VWA5B2: variants seen among roughly 807,000 people sequenced by gnomAD.
VWA5B2 encodes the protein von Willebrand factor A domain-containing protein 5B2.
VWA5B2 carries 93 observed loss-of-function variants against 118.5 expected under a neutral mutation model. The observed-to-expected ratio is 0.79, with a 90% CI of 0.66 to 0.93. VWA5B2 has a LOEUF of 0.93. Among genes scored for constraint, VWA5B2 ranks in the 40% least tolerant of loss-of-function variants. The probability of loss-of-function intolerance (pLI) is 0.00; values close to 1 mark genes in which losing one functional copy is unlikely to be tolerated. For synonymous variants in VWA5B2, 708 were observed against 716.3 expected (o/e 0.99, Z 0.19); for missense variants, 1,546 against 1,672.8 (o/e 0.92, Z 1.32).
rs1169030461 is a variant in VWA5B2, at chr3:184,240,801, G to A, written c.2751G>A (p.Arg917=). 1 of 1,551,090 alleles carries A rather than the reference G, an allele frequency of 6.4e-7. No individual in the cohort carries two copies. Among genetic ancestry groups the A allele is most frequent in the Non-Finnish European group, 8.7e-7 (1 of 1,146,976 alleles). Residue 917 remains arginine, a synonymous_variant, in exon 17 of 20, where the codon CGG becomes CGA. Transcript: ENST00000691901. The stretch of plus-strand genomic sequence containing the variant: ...TCCTTGGTTCCACAGGCCATGCCCG[G>A]AGGTGCTGGCTTCGAGCCCTTCAGA... ...AETTADRGHA[R]RCWLRALQTS... is the part of the protein sequence containing the mutation.
In VWA5B2 at chr3:184,229,828, G is replaced by T. The variant is rs1016264613; in HGVS notation, c.-150+115G>T. ...CCTCCTCCCACATCAGCTCTGCCGG[G>T]GTAGGGAGCGGTAACCTGGCGGCTC... On this transcript the variant is annotated intron_variant, in intron 1 of 19. Coordinates refer to ENST00000691901, the MANE Select transcript of VWA5B2 (RefSeq NM_001390846.1). 6.6e-5 allele frequency among the ~76,000 whole-genome samples: 10 copies of T among 152,244 alleles called. No homozygotes were observed. The East Asian group carries it at 1.9e-3, about 30-fold the overall frequency.
rs1057108782 is a variant in VWA5B2, at chr3:184,241,959, G to A, written c.3650G>A (p.Arg1217Gln). ...LDLAALKAAARGLFLLLRHWD... is the reference protein window; with the variant it reads ...LDLAALKAAAQGLFLLLRHWD... The stretch of plus-strand genomic sequence containing the variant: ...CTGGCCGCCCTCAAGGCCGCAGCCC[G>A]AGGGCTCTTCCTGCTACTGCGCCAC... Residue 1217 changes from arginine (R) to glutamine (Q), a missense_variant, in exon 20 of 20, where the codon CGA becomes CAA. Transcript: ENST00000691901. This position sits in a 1 kb window ranked among gnomAD's most constrained non-coding sequence, Gnocchi z 5.1. 3 of 1,549,912 alleles carry A rather than the reference G, an allele frequency of 1.9e-6. No homozygotes were observed. The African/African-American group carries it at 4.1e-5, about 21-fold the overall frequency.
At position 184,233,494 on chromosome 3, in the gene VWA5B2, T is replaced by G. The variant is rs1357803323; in HGVS notation, c.531-82T>G. The G allele has an allele frequency of 6.6e-7, 1 of 1,510,932 alleles. No individual in the cohort carries two copies. 93.6% of individuals were successfully genotyped at this position (1,510,932 alleles called of 1,614,324 possible). A position where few individuals can be genotyped will look rare whatever the true frequency, so the allele number is the denominator to read the frequency against. On this transcript the variant is annotated intron_variant, in intron 4 of 19. Coordinates refer to ENST00000691901, the MANE Select transcript of VWA5B2 (RefSeq NM_001390846.1). This position sits in a 1 kb window ranked among gnomAD's most constrained non-coding sequence, Gnocchi z 5.2. ...GCAGGGTACCCAGGGATGGGAAGGGTGAGGAAGGGCTGGGGCCAGTCAGCC... is the reference window on the plus strand; with the variant it reads ...GCAGGGTACCCAGGGATGGGAAGGGGGAGGAAGGGCTGGGGCCAGTCAGCC...
chr3:184,234,162 A>G, intron 5 of VWA5B2, 104 bp from the exon 6 acceptor site: 1 of 1,405,034 alleles, frequency 7.1e-7, no homozygotes. Context: ...CATATAGATC[A>G]GACTCTGAGA....
In VWA5B2 at chr3:184,235,163, T is replaced by C. The variant is rs1442730836; in HGVS notation, c.956T>C (p.Leu319Pro). 5 of 1,551,586 alleles carry C rather than the reference T, an allele frequency of 3.2e-6. No homozygotes were observed. In the South Asian group the frequency reaches 3.6e-5, roughly 11 times the overall value. Residue 319 changes from leucine to proline, a missense_variant, in exon 8 of 20, where the codon CTG (leucine) becomes CCG (proline). This residue lies in a region of VWA5B2 where 775 missense variants were observed against 882.3 expected (regional missense o/e 0.88). Transcript: ENST00000691901. ...DSDGDRQVWF[L>P]QRRFHKDILL... ...GACTCCCCCGCTCAGGTGTGGTTCC[T>C]GCAGCGACGCTTCCACAAGGACATC...
chr3:184,237,206 C>G lies in VWA5B2; in HGVS notation c.1534-20C>G. ...ACACCTCTTTCCTTCCCATGTCTTC[C>G]CTGTGGCCACTCCCCACAGCTGGTA... On this transcript the variant is annotated intron_variant, in intron 11 of 19. Transcript: ENST00000691901. This position sits in a 1 kb window ranked among gnomAD's most constrained non-coding sequence, Gnocchi z 5.6. 1 of 1,547,894 alleles carries G rather than the reference C, an allele frequency of 6.5e-7. No individual in the cohort carries two copies. Among genetic ancestry groups the G allele is most frequent in the South Asian group, 1.2e-5 (1 of 83,930 alleles).
chr3:184,233,627 G>T lies in VWA5B2; in HGVS notation c.582G>T (p.Trp194Cys). ...VGSLQEEGLA[W>C]EELAAPRDVF... ...GCCTTCAGGAGGAAGGGCTGGCCTG[G>T]GAGGAGCTGGCTGCCCCTCGGGACG... The change falls in exon 5 of 20, where the codon TGG becomes TGT. Residue 194 changes from tryptophan (W) to cysteine (C), a missense_variant. Coordinates refer to ENST00000691901, the MANE Select transcript of VWA5B2 (RefSeq NM_001390846.1). The surrounding 1 kb of genome is among the most constrained non-coding windows in gnomAD (Gnocchi z 5.2). The T allele has an allele frequency of 6.4e-7, 1 of 1,551,234 alleles. No homozygotes were observed. The highest frequency in any genetic ancestry group is 8.7e-7 in the Non-Finnish European group (1 of 1,146,922).
In VWA5B2 at chr3:184,234,615, T is replaced by A; in HGVS notation, c.821-16T>A. 1 of 1,550,586 alleles carries A rather than the reference T, an allele frequency of 6.4e-7. No individual in the cohort carries two copies. The highest frequency in any genetic ancestry group is 2.4e-5 in the East Asian group (1 of 40,918). Reference sequence around the variant, plus strand: ...GGCAGGGCCTTCCTTGACAGAATTGTGTCCTCTCCTCTCAGAGCCCCATCA... The same window carrying A: ...GGCAGGGCCTTCCTTGACAGAATTGAGTCCTCTCCTCTCAGAGCCCCATCA... On this transcript the variant is annotated splice_polypyrimidine_tract_variant and intron_variant, in intron 6 of 19. Coordinates refer to ENST00000691901, the MANE Select transcript of VWA5B2 (RefSeq NM_001390846.1).
chr3:184,240,411 A>G, intron 16 of VWA5B2: 1 of 349,834 alleles, frequency 2.9e-6, no homozygotes, highest in Non-Finnish European at 5.2e-6. Flanking sequence ...CAGTTGCACT[A>G]ACCACAGCTG....
chr3:184,234,172 A>G (rs1717709429), intron 5 of VWA5B2, 94 bp from the exon 6 acceptor site: 1 of 1,442,872 alleles, frequency 6.9e-7, no homozygotes, highest in South Asian at 1.3e-5. Context: ...AGACTCTGAG[A>G]GCTGACTGAA....
rs768316278 is a variant in VWA5B2 at position 184,241,443 on chromosome 3, C to T, written c.3180+39C>T. 6 of 1,566,448 alleles carry T rather than the reference C, an allele frequency of 3.8e-6. No homozygotes were observed. The highest frequency in any genetic ancestry group is 4.7e-5 in the East Asian group (2 of 42,296). On this transcript the variant is annotated intron_variant, in intron 19 of 19. Transcript: ENST00000691901. This position sits in a 1 kb window ranked among gnomAD's most constrained non-coding sequence, Gnocchi z 5.1. ...AGGTGGAGGGTGGTGCCGCCGGGGC[C>T]GGGCGCTGTTTCAGCTCGCTTCTCC...
In VWA5B2 at chr3:184,238,165, C is replaced by A; in HGVS notation, c.1720-138C>A. 5.6e-6 allele frequency: 4 copies of A among 714,532 alleles called. No individual in the cohort carries two copies. The highest frequency in any genetic ancestry group is 3.4e-5 in the Admixed American group (1 of 29,110). 44.3% of individuals were successfully genotyped at this position (714,532 alleles called of 1,614,324 possible). A position where few individuals can be genotyped will look rare whatever the true frequency, so the allele number is the denominator to read the frequency against. ...TTAACCCTTACAGTGAACATGTCTGCTTCCTCCTTCTTTAGTACTGGTCTT... is the reference window on the plus strand; with the variant it reads ...TTAACCCTTACAGTGAACATGTCTGATTCCTCCTTCTTTAGTACTGGTCTT... On this transcript the variant is annotated intron_variant, in intron 12 of 19. Transcript: ENST00000691901. This position sits in a 1 kb window ranked among gnomAD's most constrained non-coding sequence, Gnocchi z 5.0.
In VWA5B2 at chr3:184,234,619, C is replaced by T. The variant is rs879077977; in HGVS notation, c.821-12C>T. The T allele has an allele frequency of 1.5e-5, 24 of 1,550,618 alleles. No individual in the cohort carries two copies. In the East Asian group the frequency reaches 4.6e-4, roughly 30 times the overall value. On this transcript the variant is annotated splice_polypyrimidine_tract_variant and intron_variant, in intron 6 of 19. Coordinates refer to ENST00000691901, the MANE Select transcript of VWA5B2 (RefSeq NM_001390846.1). Reference sequence around the variant, plus strand: ...GGGCCTTCCTTGACAGAATTGTGTCCTCTCCTCTCAGAGCCCCATCAGCCA... The same window carrying T: ...GGGCCTTCCTTGACAGAATTGTGTCTTCTCCTCTCAGAGCCCCATCAGCCA...
Position 184,239,931 on chromosome 3 carries a change from G to A in VWA5B2, c.2635G>A (p.Glu879Lys). The change falls in exon 16 of 20, where the codon GAA (glutamate) becomes AAA (lysine). Residue 879 changes from glutamate to lysine, a missense_variant. Physicochemically the swap from Glu to Lys is moderately conservative, Grantham distance 56. Coordinates refer to ENST00000691901, the MANE Select transcript of VWA5B2 (RefSeq NM_001390846.1). The surrounding 1 kb of genome is among the most constrained non-coding windows in gnomAD (Gnocchi z 5.1). ...ACAGCCTCCCTCACCTCCTGTAAGA[G>A]AAGCTGCTTGGGACCAAGCACTCCA... ...GSQPPSPPVR[E>K]AAWDQALHRL... 2 of 1,551,448 alleles carry A rather than the reference G, an allele frequency of 1.3e-6. No homozygotes were observed. The highest frequency in any genetic ancestry group is 1.7e-6 in the Non-Finnish European group (2 of 1,146,998).
chr3:184,235,898 C>T (rs1030338804), intron 8 of VWA5B2, among the ~76,000 whole-genome samples: 40 of 150,242 alleles, frequency 2.7e-4, no homozygotes, highest in African/African-American at 9.7e-4. Context: ...TCATGTATAC[C>T]TCCAGAGTCC....
At chr3:184,234,887 C>A (rs1717809602) in intron 7 of VWA5B2, 132 bp downstream of exon 7, 1 of 1,359,852 alleles carries the variant, frequency 7.4e-7, no homozygotes, top group African/African-American at 1.5e-5. Flanking sequence ...ACAGCTGCCA[C>A]CAACCATCAC....
At chr3:184,230,254 T>C (rs2108413819) in intron 1 of VWA5B2, among the ~76,000 whole-genome samples, 126 bp from the exon 2 acceptor site, 1 of 152,198 alleles carries the variant, frequency 6.6e-6, no homozygotes, top group East Asian at 1.9e-4. Context: ...GCGGGACTGC[T>C]GGGCGCCGAA....
At chr3:184,230,944 C>T in intron 3 of VWA5B2, 27 bp downstream of exon 3, 1 of 1,210,140 alleles carries the variant, frequency 8.3e-7, no homozygotes, top group Non-Finnish European at 1.0e-6. Flanking sequence ...CGCACCCGCG[C>T]TCCTGAAAGC....
chr3:184,241,879 A>T lies in VWA5B2; in HGVS notation c.3570A>T (p.Thr1190=). Residue 1190 remains threonine, a synonymous_variant, in exon 20 of 20, where the codon ACA becomes ACT. Coordinates refer to ENST00000691901, the MANE Select transcript of VWA5B2 (RefSeq NM_001390846.1). The surrounding 1 kb of genome is among the most constrained non-coding windows in gnomAD (Gnocchi z 5.1). ...CTGCCTTCGACGAGTGGGAACTGAC[A>T]GCGGCCAAGGCTGATTGCTGGCTGC... ...CAAAFDEWEL[T]AAKADCWLRA... 1 of 1,546,650 alleles carries T rather than the reference A, an allele frequency of 6.5e-7. No homozygotes were observed. The highest frequency in any genetic ancestry group is 8.7e-7 in the Non-Finnish European group (1 of 1,146,542).
Sources: allele counts gnomAD v4.1 joint callset (sites outside exome capture counted in the v4.1 genomes callset), GRCh38; gene constraint gnomAD v4.1.1; regional missense constraint gnomAD v4.1.1; non-coding constraint Gnocchi (gnomAD v3.1); transcripts MANE v1.5; gene names NCBI Gene and HGNC (gene_info 2026-07-23, HGNC 2026-07-21).